The following CDIN1 variants were observed in gnomAD, a reference collection of about 807,000 sequenced individuals.
CDIN1 encodes CDAN1-interacting nuclease 1.
In CDIN1, 33 loss-of-function variants were observed where a neutral mutation model predicts 45.3. The ratio of observed to expected loss-of-function variants is 0.73; its 90% CI spans 0.55 to 0.97. The LOEUF (loss-of-function observed/expected upper bound fraction) is 0.97, where lower values mean the gene tolerates loss of function less well. Among genes scored for constraint, CDIN1 ranks in the 50% least tolerant of loss-of-function variants. The pLI, the probability that CDIN1 is intolerant of heterozygous loss-of-function variation, is 0.00. For missense variants in CDIN1, 303 were observed against 339.4 expected, an observed-to-expected ratio of 0.89 and a Z score of 0.84; for synonymous variants, 118 against 124.4, an observed-to-expected ratio of 0.95 and a Z score of 0.34.
chr15:36,808,854 C>G lies in CDIN1; in HGVS notation c.*401C>G, dbSNP rs752892053. 3 of 455,082 alleles carry G rather than the reference C, an allele frequency of 6.6e-6. No individual in the cohort carries two copies. Among genetic ancestry groups the G allele is most frequent in the South Asian group, 4.7e-5 (3 of 64,166 alleles). 28.2% of individuals were successfully genotyped at this position (455,082 alleles called of 1,614,324 possible). A position where few individuals can be genotyped will look rare whatever the true frequency, so the allele number is the denominator to read the frequency against. ...ACCCTCTTATTTTTTTTTCCCTAAG[C>G]CTCCGTTCACTGTCTCTCCCTCTCC... is the stretch of plus-strand genomic sequence containing the variant. On this transcript the variant is annotated 3_prime_UTR_variant, in exon 11 of 11. Transcript: ENST00000566621.
At chr15:36,630,411 A>G (rs1324317496) in intron 1 of CDIN1, among the ~76,000 whole-genome samples, 1 of 152,240 alleles carries the variant, frequency 6.6e-6, no homozygotes, top group Non-Finnish European at 1.5e-5. Context: ...AACTTTTAAG[A>G]TGAACCGGAT....
At chr15:36,612,849 C>G (rs1252123998) in intron 1 of CDIN1, among the ~76,000 whole-genome samples, 1 of 152,176 alleles carries the variant, frequency 6.6e-6, no homozygotes, top group African/African-American at 2.4e-5. Context: ...TATTTTTAGT[C>G]TGGACATAAA....
chr15:36,597,600 A>C (rs2037898566), intron 1 of CDIN1, among the ~76,000 whole-genome samples: 1 of 152,142 alleles, frequency 6.6e-6, no homozygotes, highest in African/African-American at 2.4e-5. Flanking sequence ...TTGGAACTTT[A>C]CTATTTTTTA....
intron 10 of CDIN1, among the ~76,000 whole-genome samples, chr15:36,761,719 C>G (rs2160420): frequency 0.25 from 37,995 of 152,164 alleles, 5,220 homozygotes; most frequent in South Asian, 0.38. Flanking sequence ...GAGGCATCTT[C>G]TAATGCCAGT....
chr15:36,670,489 T>C (rs1012696709), intron 5 of CDIN1, among the ~76,000 whole-genome samples: 13 of 152,166 alleles, frequency 8.5e-5, no homozygotes, highest in Non-Finnish European at 4.4e-5. Flanking sequence ...TTGATTTTGT[T>C]TTTGCATATC....
chr15:36,728,872 C>A (rs1595528028), intron 10 of CDIN1, among the ~76,000 whole-genome samples: 1 of 151,920 alleles, frequency 6.6e-6, no homozygotes, highest in South Asian at 2.1e-4. Context: ...CGGGGTTTCA[C>A]CATGTTAGCC....
chr15:36,608,366 G>A (rs1373704676), intron 1 of CDIN1, among the ~76,000 whole-genome samples: 1 of 152,126 alleles, frequency 6.6e-6, no homozygotes, highest in Non-Finnish European at 1.5e-5. Context: ...TATATTCCTG[G>A]TGGGTATGAA....
chr15:36,764,341 G>A (rs530226456), intron 10 of CDIN1, among the ~76,000 whole-genome samples: 1 of 150,646 alleles, frequency 6.6e-6, no homozygotes, highest in African/African-American at 2.4e-5. Flanking sequence ...GTTTTATGAT[G>A]CCAAAAGACT....
intron 5 of CDIN1, among the ~76,000 whole-genome samples, chr15:36,663,056 C>A (rs1275631988): frequency 6.6e-6 from 1 of 151,866 alleles, no homozygotes; most frequent in Admixed American, 6.6e-5. Context: ...AAAAACATCT[C>A]TTTGAAAGGA....
chr15:36,765,195 A>G (rs1307587361), intron 10 of CDIN1, among the ~76,000 whole-genome samples: 1 of 151,512 alleles, frequency 6.6e-6, no homozygotes, highest in African/African-American at 2.4e-5. Flanking sequence ...AGCTGGGGTA[A>G]CAGGCTCCTG....
At chr15:36,649,646 G>T (rs2040493312) in intron 3 of CDIN1, among the ~76,000 whole-genome samples, 1 of 152,144 alleles carries the variant, frequency 6.6e-6, no homozygotes. Flanking sequence ...CCACAACCCT[G>T]TCACTGAGTG....
chr15:36,634,301 A>G (rs1354743005), intron 1 of CDIN1, among the ~76,000 whole-genome samples: 2 of 137,136 alleles, frequency 1.5e-5, no homozygotes, highest in African/African-American at 5.5e-5. Context: ...GTGGTGGTGC[A>G]TGCCTGAAAC....
intron 10 of CDIN1, among the ~76,000 whole-genome samples, chr15:36,776,161 G>A (rs1460639038): frequency 2.0e-5 from 3 of 152,188 alleles, no homozygotes; most frequent in Non-Finnish European, 4.4e-5. Context: ...GGTTTTTCAA[G>A]TACGACCCAT....
At chr15:36,690,710 T>C in intron 5 of CDIN1, among the ~76,000 whole-genome samples, 1 of 152,228 alleles carries the variant, frequency 6.6e-6, no homozygotes, top group East Asian at 1.9e-4. Flanking sequence ...TGCATTTTAA[T>C]TTGTGCTTGT....
At chr15:36,628,036 A>G (rs1482536605) in intron 1 of CDIN1, among the ~76,000 whole-genome samples, 1 of 151,118 alleles carries the variant, frequency 6.6e-6, no homozygotes, top group African/African-American at 2.4e-5. Context: ...TTTTTTCCCA[A>G]TTTTAATTAA....
intron 5 of CDIN1, among the ~76,000 whole-genome samples, chr15:36,664,959 T>G (rs901959259): frequency 6.6e-6 from 1 of 152,232 alleles, no homozygotes; most frequent in Non-Finnish European, 1.5e-5. Context: ...AACAAACTTT[T>G]AAAGCTTCTG....
intron 10 of CDIN1, among the ~76,000 whole-genome samples, chr15:36,805,902 T>C (rs1262482213): frequency 6.6e-6 from 1 of 152,190 alleles, no homozygotes; most frequent in Non-Finnish European, 1.5e-5. Flanking sequence ...ACCACATAAT[T>C]TGAAAGCGTA....
chr15:36,745,374 A>G (rs2044383909), intron 10 of CDIN1, among the ~76,000 whole-genome samples: 1 of 152,064 alleles, frequency 6.6e-6, no homozygotes, highest in African/African-American at 2.4e-5. Flanking sequence ...TAAATTAACC[A>G]TTTGTTCAAC....
intron 10 of CDIN1, among the ~76,000 whole-genome samples, chr15:36,804,421 G>A (rs1347062587): frequency 1.3e-5 from 2 of 152,022 alleles, no homozygotes; most frequent in Non-Finnish European, 2.9e-5. Context: ...GATCATCTTA[G>A]TGCTAACCCT....
Sources: allele counts gnomAD v4.1 joint callset (sites outside exome capture counted in the v4.1 genomes callset), GRCh38; gene constraint gnomAD v4.1.1; transcripts MANE v1.5; gene names NCBI Gene and HGNC (gene_info 2026-07-23, HGNC 2026-07-21).